Variants in TET2 observed in about 807,000 individuals in gnomAD.
TET2 encodes the protein methylcytosine dioxygenase TET2.
A neutral mutation model predicts 142.9 loss-of-function variants in TET2; 299 were observed. The observed-to-expected ratio is 2.09, with a 90% CI of 1.90 to 2.30. The LOEUF (loss-of-function observed/expected upper bound fraction) is 2.30, where lower values mean the gene tolerates loss of function less well. TET2 is among the 30% of genes most tolerant of loss of function. The probability of loss-of-function intolerance (pLI) is 0.00; values close to 1 mark genes in which losing one functional copy is unlikely to be tolerated. For synonymous variants in TET2, 819 were observed against 849.0 expected (o/e 0.96, Z 0.61); for missense variants, 2,418 against 2,378.0 (o/e 1.02, Z -0.35).
intron 2 of TET2, among the ~76,000 whole-genome samples, chr4:105,212,623 G>A (rs1727236828): frequency 6.6e-6 from 1 of 151,866 alleles, no homozygotes; most frequent in Non-Finnish European, 1.5e-5. Context: ...GTCCTTTCTG[G>A]TTTAAATGAA....
rs548420324 is a variant in TET2, at chr4:105,243,713, G to C, written c.3738G>C (p.Ser1246=). 1.3e-6 allele frequency: 2 copies of C among 1,551,446 alleles called. No individual in the cohort carries two copies. The highest frequency in any genetic ancestry group is 2.0e-5 in the Admixed American group (1 of 50,970). The change falls in exon 6 of 11, where the codon TCG becomes TCC. Residue 1246 remains serine (S), a synonymous_variant. Coordinates refer to ENST00000380013, the MANE Select transcript of TET2 (RefSeq NM_001127208.3). ...TGTCTCTGGCTGACAAACTCTACTC[G>C]GAGCTTACCGAGACGCTGAGGAAAT... ...IPLSLADKLY[S]ELTETLRKYG... is the part of the protein sequence containing the mutation.
chr4:105,156,513 C>A (rs1723574757), intron 1 of TET2, among the ~76,000 whole-genome samples: 1 of 152,160 alleles, frequency 6.6e-6, no homozygotes, highest in African/African-American at 2.4e-5. Context: ...CTAAAACCTG[C>A]CTTACCAAAT....
rs1417222457 is a variant in TET2 at position 105,268,382 on chromosome 4, A to G, written c.4045-1228A>G. Among the ~76,000 whole-genome samples the G allele has an allele frequency of 4.6e-5, 7 of 152,192 alleles. No homozygotes were observed. The East Asian group carries it at 5.8e-4, about 13-fold the overall frequency. On this transcript the variant is annotated intron_variant, in intron 8 of 10. Coordinates refer to ENST00000380013, the MANE Select transcript of TET2 (RefSeq NM_001127208.3). ...GGAAACTAAAACATTGCTGAGATAA[A>G]TTATAGAAAACTTCAGTAACTGGAG...
At position 105,276,387 on chromosome 4, in the gene TET2, T is replaced by C; in HGVS notation, c.5877T>C (p.Thr1959=). 1.3e-6 allele frequency: 2 copies of C among 1,551,896 alleles called. No individual in the cohort carries two copies. Among genetic ancestry groups the C allele is most frequent in the Non-Finnish European group, 1.7e-6 (2 of 1,147,034 alleles). ...VKREPAEPHE[T]SEPTYLRFIK... is the part of the protein sequence containing the mutation. ...GGGAGCCTGCTGAGCCACATGAAAC[T>C]TCAGAGCCCACTTACCTGCGTTTCA... Residue 1959 remains threonine (T), a synonymous_variant, in exon 11 of 11, where the codon ACT becomes ACC. Transcript: ENST00000380013.
chr4:105,158,791 A>G (rs1248031201), intron 1 of TET2, among the ~76,000 whole-genome samples: 1 of 152,000 alleles, frequency 6.6e-6, no homozygotes, highest in African/African-American at 2.4e-5. Flanking sequence ...AAAAAATATT[A>G]CAGTTCTTCC....
chr4:105,162,341 G>A (rs1249295533), intron 1 of TET2, among the ~76,000 whole-genome samples: 5 of 152,096 alleles, frequency 3.3e-5, no homozygotes, highest in Non-Finnish European at 5.9e-5. Flanking sequence ...GAGAAAGAGT[G>A]GTGTCTATCT....
chr4:105,206,485 A>T (rs1473676118), intron 2 of TET2, among the ~76,000 whole-genome samples: 1 of 152,104 alleles, frequency 6.6e-6, no homozygotes, highest in African/African-American at 2.4e-5. Context: ...ACTGCAGTCT[A>T]CCTTTGTCCT....
intron 6 of TET2, among the ~76,000 whole-genome samples, chr4:105,256,972 A>G (rs1376748114): frequency 1.3e-5 from 2 of 152,118 alleles, no homozygotes; most frequent in Non-Finnish European, 1.5e-5. Context: ...GTCTTACTTT[A>G]GTTATTTAAA....
rs773565437 is a variant in TET2 at position 105,234,310 on chromosome 4, G to C, written c.368G>C (p.Arg123Pro). ...GACCAAAAGGCTAATGGAGAAAGAC[G>C]TAACTTCGGGGTAAGCCAAGAAAGA... ...KQDQKANGER[R>P]NFGVSQERNP... is the part of the protein sequence containing the mutation. The change falls in exon 3 of 11, where the codon CGT (arginine) becomes CCT (proline). Residue 123 changes from arginine to proline, a missense_variant. By Grantham distance (103) the Arg-to-Pro change is moderately radical. Transcript: ENST00000380013. 1 of 1,614,092 alleles carries C rather than the reference G, an allele frequency of 6.2e-7. No homozygotes were observed. Among genetic ancestry groups the C allele is most frequent in the Admixed American group, 1.7e-5 (1 of 60,008 alleles).
intron 1 of TET2, among the ~76,000 whole-genome samples, chr4:105,165,743 CA>C (rs1296994881): frequency 6.6e-6 from 1 of 152,124 alleles, no homozygotes; most frequent in Non-Finnish European, 1.5e-5. Context: ...ATACAGAACA[CA>C]AAATGAAATG....
At chr4:105,164,030 A>AT (rs1346739016) in intron 1 of TET2, among the ~76,000 whole-genome samples, 1 of 152,132 alleles carries the variant, frequency 6.6e-6, no homozygotes, top group Non-Finnish European at 1.5e-5. Flanking sequence ...CCTCTCAGTC[A>AT]TTTTTTGTGT....
chr4:105,210,069 C>G (rs551110999), intron 2 of TET2, among the ~76,000 whole-genome samples: 1 of 152,066 alleles, frequency 6.6e-6, no homozygotes, highest in African/African-American at 2.4e-5. Flanking sequence ...TGATAGTACC[C>G]CTCACACTGA....
intron 2 of TET2, among the ~76,000 whole-genome samples, chr4:105,193,130 C>T (rs1725884112): frequency 6.6e-6 from 1 of 152,116 alleles, no homozygotes; most frequent in African/African-American, 2.4e-5. Context: ...ACAGAGGAGG[C>T]TTCACAAAGG....
intron 6 of TET2, among the ~76,000 whole-genome samples, chr4:105,249,800 T>C (rs905287953): frequency 1.3e-5 from 2 of 152,246 alleles, no homozygotes; most frequent in Non-Finnish European, 2.9e-5. Context: ...GTTATGTTGA[T>C]ACTTGAACTT....
chr4:105,164,234 C>A (rs547144679), intron 1 of TET2, among the ~76,000 whole-genome samples: 1 of 152,146 alleles, frequency 6.6e-6, no homozygotes, highest in Non-Finnish European at 1.5e-5. Flanking sequence ...TTACTCTCTG[C>A]GTTTATGAGT....
intron 2 of TET2, among the ~76,000 whole-genome samples, chr4:105,222,424 A>G (rs1358748258): frequency 2.6e-5 from 4 of 152,066 alleles, no homozygotes; most frequent in African/African-American, 7.2e-5. Flanking sequence ...GTGTGAGATG[A>G]TATCTCATTG....
chr4:105,152,404 C>G lies in TET2; in HGVS notation c.-193+5425C>G, dbSNP rs191465265. ...CTAAAAATACTACAAATGTTTCTTT[C>G]AAATTACATTTCTTTTTTGTCTATT... On this transcript the variant is annotated intron_variant, in intron 1 of 10. Coordinates refer to ENST00000380013, the MANE Select transcript of TET2 (RefSeq NM_001127208.3). 4.2e-4 allele frequency among the ~76,000 whole-genome samples: 64 copies of G among 152,144 alleles called. 1 individual carries two copies. Among genetic ancestry groups the G allele is most frequent in the Admixed American group, 1.1e-3 (17 of 15,278 alleles).
intron 3 of TET2, 177 bp from the exon 4 acceptor site, chr4:105,241,162 T>A: frequency 2.4e-6 from 3 of 1,273,268 alleles, no homozygotes; most frequent in Non-Finnish European, 2.0e-6. Flanking sequence ...ATATACTTAA[T>A]TATGTGGCAC....
chr4:105,241,643 T>C, intron 4 of TET2: 1 of 1,282,872 alleles, frequency 7.8e-7, no homozygotes, highest in East Asian at 3.0e-5. Flanking sequence ...TGGCACAGGC[T>C]GCCCACTTTG....
Sources: gnomAD v4.1 joint callset for allele counts (sites outside exome capture counted in the v4.1 genomes callset) on GRCh38, gnomAD v4.1.1 for gene constraint, MANE v1.5 for transcripts, NCBI Gene and HGNC (gene_info 2026-07-23, HGNC 2026-07-21) for gene names.